Variants in DAB1 observed in about 807,000 individuals in gnomAD.
The protein encoded by DAB1 is DAB adaptor protein 1.
Under a neutral mutation model 64.6 loss-of-function variants are expected in DAB1, and 15 were observed. The observed-to-expected ratio is 0.23, with a 90% CI of 0.16 to 0.36. The LOEUF is 0.36. DAB1 is among the 10% of genes least tolerant of loss of function. The pLI is 1.00. For missense variants in DAB1, 596 were observed against 706.7 expected, an observed-to-expected ratio of 0.84 and a Z score of 1.78; for synonymous variants, 235 against 251.9, an observed-to-expected ratio of 0.93 and a Z score of 0.64.
At chr1:57,975,315 C>T (rs2100322269) in intron 5 of DAB1, among the ~76,000 whole-genome samples, 1 of 152,300 alleles carries the variant, frequency 6.6e-6, no homozygotes. Flanking sequence ...CCTGAACTCA[C>T]TAAGACAATC....
At chr1:58,215,651 T>C (rs1007117355) in intron 4 of DAB1, among the ~76,000 whole-genome samples, 3 of 152,196 alleles carry the variant, frequency 2.0e-5, no homozygotes, top group Non-Finnish European at 4.4e-5. Flanking sequence ...CATCTCTATC[T>C]GGCCTTTCAG....
intron 4 of DAB1, among the ~76,000 whole-genome samples, chr1:58,171,679 A>G (rs1056849446): frequency 5.3e-5 from 8 of 152,304 alleles, no homozygotes; most frequent in Admixed American, 4.6e-4. Flanking sequence ...TCTTGTCCCA[A>G]GGGTTTAGGG....
intron 2 of DAB1, among the ~76,000 whole-genome samples, chr1:57,210,680 C>A (rs1308929420): frequency 2.6e-5 from 4 of 152,038 alleles, no homozygotes; most frequent in Middle Eastern, 3.2e-3. Flanking sequence ...AAAGGCTTAT[C>A]AATAAATTTG....
At chr1:57,655,956 C>T (rs911382877) in intron 6 of DAB1, among the ~76,000 whole-genome samples, 11 of 152,148 alleles carry the variant, frequency 7.2e-5, no homozygotes, top group Non-Finnish European at 1.5e-4. Context: ...TGACTCTCCA[C>T]CCCTGCTAAA....
intron 9 of DAB1, among the ~76,000 whole-genome samples, chr1:57,045,001 A>T (rs1437622601): frequency 6.6e-6 from 1 of 152,216 alleles, no homozygotes; most frequent in Non-Finnish European, 1.5e-5. Flanking sequence ...TGTTTCCAAG[A>T]GGAGGAAACC....
intron 5 of DAB1, among the ~76,000 whole-genome samples, chr1:57,970,408 G>A (rs1375415421): frequency 6.6e-6 from 1 of 152,172 alleles, no homozygotes; most frequent in East Asian, 1.9e-4. Flanking sequence ...CTGAATCGCT[G>A]CAGTGGGAAT....
intron 5 of DAB1, among the ~76,000 whole-genome samples, chr1:57,965,246 CATA>C (rs781417267): frequency 1.1e-4 from 16 of 152,254 alleles, no homozygotes; most frequent in South Asian, 8.3e-4. Flanking sequence ...AGATTTATCT[CATA>C]GTTGTTTCTC....
chr1:57,447,392 G>C (rs990011730), intron 7 of DAB1, among the ~76,000 whole-genome samples: 4 of 152,184 alleles, frequency 2.6e-5, no homozygotes, highest in African/African-American at 9.7e-5. Context: ...CTTCTAAAGA[G>C]AGAGATCCTT....
At chr1:57,334,614 G>A (rs867686266) in intron 1 of DAB1, among the ~76,000 whole-genome samples, 2 of 152,178 alleles carry the variant, frequency 1.3e-5, no homozygotes, top group Admixed American at 6.5e-5. Context: ...TGAGGAAGGC[G>A]CTATTAATAA....
intron 1 of DAB1, among the ~76,000 whole-genome samples, chr1:57,405,343 C>T (rs371816406): frequency 2.0e-5 from 3 of 152,184 alleles, no homozygotes; most frequent in African/African-American, 7.2e-5. Flanking sequence ...TTGCACCATT[C>T]GGCTATCCTG....
intron 5 of DAB1, among the ~76,000 whole-genome samples, chr1:57,925,513 C>A (rs975070237): frequency 4.6e-5 from 7 of 152,170 alleles, no homozygotes; most frequent in Admixed American, 4.6e-4. Context: ...GTGTCAGAAA[C>A]TAGACTCTAG....
chr1:57,532,565 G>A (rs968602282), intron 7 of DAB1, among the ~76,000 whole-genome samples: 2 of 152,198 alleles, frequency 1.3e-5, no homozygotes, highest in Admixed American at 1.3e-4. Flanking sequence ...ATTTTTGAAT[G>A]AATGAGTCAT....
intron 5 of DAB1, among the ~76,000 whole-genome samples, chr1:58,065,628 G>A (rs942848493): frequency 2.6e-5 from 4 of 152,132 alleles, no homozygotes; most frequent in East Asian, 1.9e-4. Flanking sequence ...CGGAGAGTGC[G>A]CAGTGGCCAT....
chr1:57,422,208 C>G (rs1169819170), intron 1 of DAB1, among the ~76,000 whole-genome samples: 1 of 152,140 alleles, frequency 6.6e-6, no homozygotes. Context: ...AGTGGAACCC[C>G]CACACAGCCT....
intron 3 of DAB1, among the ~76,000 whole-genome samples, chr1:58,427,184 G>T (rs1644829686): frequency 6.6e-6 from 1 of 152,068 alleles, no homozygotes; most frequent in Admixed American, 6.6e-5. Context: ...GTAAGGTGGT[G>T]TGGGGTAGAG....
intron 7 of DAB1, among the ~76,000 whole-genome samples, chr1:57,440,219 C>A (rs1029347371): frequency 6.6e-6 from 1 of 152,174 alleles, no homozygotes; most frequent in Non-Finnish European, 1.5e-5. Context: ...TTGATCCCTG[C>A]CATGTGTTGG....
At chr1:57,934,803 C>T (rs1645003144) in intron 5 of DAB1, among the ~76,000 whole-genome samples, 2 of 152,160 alleles carry the variant, frequency 1.3e-5, no homozygotes, top group African/African-American at 4.8e-5. Context: ...TGCCATGGAT[C>T]TTTCTCTCTG....
At chr1:58,181,216 A>G (rs926811018) in intron 4 of DAB1, among the ~76,000 whole-genome samples, 7 of 152,110 alleles carry the variant, frequency 4.6e-5, no homozygotes, top group African/African-American at 1.4e-4. Context: ...CTTGTTTCTA[A>G]TAAGACTTTT....
At chr1:57,866,894 G>A (rs770509006) in intron 1 of DAB1, 8 of 152,122 alleles carry the variant, frequency 5.3e-5, no homozygotes, top group Non-Finnish European at 8.8e-5. Flanking sequence ...GTAGCTGAGA[G>A]CAGGTGAAAG....
Sources: allele counts gnomAD v4.1 joint callset (sites outside exome capture counted in the v4.1 genomes callset), GRCh38; gene constraint gnomAD v4.1.1; transcripts MANE v1.5; gene names NCBI Gene and HGNC (gene_info 2026-07-23, HGNC 2026-07-21).